PCDHA6: variants seen among roughly 807,000 people sequenced by gnomAD.
PCDHA6 encodes protocadherin alpha 6.
In PCDHA6, 55 loss-of-function variants were observed where a neutral mutation model predicts 60.3. That is an observed-to-expected ratio of 0.91 (90% confidence interval 0.73 to 1.14). PCDHA6 has a LOEUF of 1.14. Among genes scored for constraint, PCDHA6 ranks in the 50% most tolerant of loss-of-function variants. The probability of loss-of-function intolerance (pLI) is 0.00; values close to 1 mark genes in which losing one functional copy is unlikely to be tolerated. For synonymous variants in PCDHA6, 652 were observed against 557.9 expected, an observed-to-expected ratio of 1.17 and a Z score of -2.38; for missense variants, 1,327 against 1,256.5, an observed-to-expected ratio of 1.06 and a Z score of -0.85.
chr5:140,929,497 C>A, intron 1 of PCDHA6: 1 of 977,560 alleles, frequency 1.0e-6, no homozygotes, highest in Non-Finnish European at 1.4e-6. Context: ...TAGAAGATTG[C>A]CCTAGGCCTC....
intron 3 of PCDHA6, among the ~76,000 whole-genome samples, chr5:141,001,745 T>A (rs2098035193): frequency 6.6e-6 from 1 of 152,200 alleles, no homozygotes; most frequent in Non-Finnish European, 1.5e-5. Flanking sequence ...CTGGGCTGTT[T>A]CAGTGGTTGA....
intron 1 of PCDHA6, among the ~76,000 whole-genome samples, chr5:140,950,672 C>A (rs76583571): frequency 0.016 from 2,473 of 152,120 alleles, 63 homozygotes; most frequent in African/African-American, 0.055. Context: ...CAAACATGTA[C>A]ATGTATATTG....
chr5:140,915,957 T>G (rs1476969057), intron 1 of PCDHA6, among the ~76,000 whole-genome samples: 4 of 151,934 alleles, frequency 2.6e-5, no homozygotes, highest in African/African-American at 4.8e-5. Flanking sequence ...TACTTAGAAA[T>G]TTGCCTGATA....
At chr5:140,900,290 G>GT (rs1292990700) in intron 1 of PCDHA6, among the ~76,000 whole-genome samples, 2 of 151,548 alleles carry the variant, frequency 1.3e-5, no homozygotes, top group Non-Finnish European at 2.9e-5. Context: ...TTTCTTTTCT[G>GT]TTTTTTTAGA....
intron 1 of PCDHA6, among the ~76,000 whole-genome samples, chr5:140,954,333 G>C (rs1554221356): frequency 1.3e-5 from 2 of 152,140 alleles, no homozygotes; most frequent in African/African-American, 4.8e-5. Flanking sequence ...TGGTATTTCT[G>C]CCTCTAGATC....
At chr5:140,985,682 C>T (rs1261119986) in intron 3 of PCDHA6, among the ~76,000 whole-genome samples, 3 of 151,710 alleles carry the variant, frequency 2.0e-5, no homozygotes, top group African/African-American at 4.8e-5. Flanking sequence ...GCCTGCCTTA[C>T]GCTAATCCTC....
At chr5:140,962,223 A>G (rs951247075) in intron 1 of PCDHA6, among the ~76,000 whole-genome samples, 8 of 152,160 alleles carry the variant, frequency 5.3e-5, no homozygotes, top group Admixed American at 3.9e-4. Flanking sequence ...CTTGAGGTTC[A>G]AGTTTCACTT....
intron 1 of PCDHA6, chr5:140,928,268 G>A: frequency 6.2e-7 from 1 of 1,614,164 alleles, no homozygotes; most frequent in Non-Finnish European, 8.5e-7. Context: ...GAAAACAATG[G>A]CCCTGGGGCC....
chr5:140,969,366 A>C (rs1554231734), intron 1 of PCDHA6: 1 of 1,609,828 alleles, frequency 6.2e-7, no homozygotes. Context: ...CTACAAACTC[A>C]TGCATTTGTT....
chr5:140,885,371 C>T (rs2153409645), intron 1 of PCDHA6, among the ~76,000 whole-genome samples: 1 of 152,182 alleles, frequency 6.6e-6, no homozygotes, highest in East Asian at 1.9e-4. Flanking sequence ...CTGAAAGTAC[C>T]TTTTGGCAGT....
chr5:140,998,003 T>C (rs2097793100), intron 3 of PCDHA6, among the ~76,000 whole-genome samples: 1 of 152,134 alleles, frequency 6.6e-6, no homozygotes, highest in Admixed American at 6.6e-5. Context: ...CCTCTGAGCC[T>C]TCCATCCCCA....
At chr5:140,932,794 G>A (rs945877357) in intron 1 of PCDHA6, among the ~76,000 whole-genome samples, 46 of 151,806 alleles carry the variant, frequency 3.0e-4, no homozygotes, top group African/African-American at 4.8e-5. Flanking sequence ...TAAGAGAAAA[G>A]CAATACCTTG....
chr5:140,828,245 C>G lies in PCDHA6; in HGVS notation c.154C>G (p.Leu52Val), dbSNP rs1354249187. The change falls in exon 1 of 4, where the codon CTG (leucine) becomes GTG (valine). Residue 52 changes from leucine to valine, a missense_variant. Coordinates refer to ENST00000529310, the MANE Select transcript of PCDHA6 (RefSeq NM_018909.4). Reference sequence around the variant, plus strand: ...CTTCGTGGGCCGGATCGCGCAGGACCTGGGGCTGGAGCTGGCGGAGCTGGT... The same window carrying G: ...CTTCGTGGGCCGGATCGCGCAGGACGTGGGGCTGGAGCTGGCGGAGCTGGT... ...GTFVGRIAQDLGLELAELVPR... is the reference protein window; with the variant it reads ...GTFVGRIAQDVGLELAELVPR... 59 of 1,613,838 alleles carry G rather than the reference C, an allele frequency of 3.7e-5. No individual in the cohort carries two copies. The highest frequency in any genetic ancestry group is 4.7e-5 in the Non-Finnish European group (55 of 1,180,056).
intron 1 of PCDHA6, chr5:140,848,396 G>A: frequency 7.8e-7 from 1 of 1,284,596 alleles, no homozygotes; most frequent in Non-Finnish European, 1.1e-6. Flanking sequence ...TCTCTGTGCT[G>A]AACGATGGCG....
At chr5:140,880,242 G>A (rs549683370) in intron 1 of PCDHA6, among the ~76,000 whole-genome samples, 22 of 150,572 alleles carry the variant, frequency 1.5e-4, no homozygotes, top group Admixed American at 7.2e-4. Context: ...GTGTATGTGC[G>A]TGTGTGTATG....
At chr5:140,878,545 A>G (rs1554170455) in intron 1 of PCDHA6, among the ~76,000 whole-genome samples, 1 of 152,228 alleles carries the variant, frequency 6.6e-6, no homozygotes, top group African/African-American at 2.4e-5. Context: ...AACCAGTTTC[A>G]GATGATCCCA....
intron 1 of PCDHA6, among the ~76,000 whole-genome samples, chr5:140,831,469 C>T (rs2150194603): frequency 8.2e-6 from 1 of 122,106 alleles, no homozygotes; most frequent in Non-Finnish European, 1.7e-5. Flanking sequence ...AAGTGATTCT[C>T]TCACCTCAGC....
chr5:140,954,383 T>C (rs1333017700), intron 1 of PCDHA6, among the ~76,000 whole-genome samples: 6 of 152,208 alleles, frequency 3.9e-5, no homozygotes, highest in African/African-American at 1.4e-4. Context: ...ATGAGTGAAC[T>C]AATTTACAAC....
chr5:140,855,239 A>T (rs1315147782), intron 1 of PCDHA6, among the ~76,000 whole-genome samples: 1 of 149,864 alleles, frequency 6.7e-6, no homozygotes, highest in Non-Finnish European at 1.5e-5. Flanking sequence ...TTAAGGTACT[A>T]TTGCAAGCAC....
Sources: allele counts gnomAD v4.1 joint callset (sites outside exome capture counted in the v4.1 genomes callset), GRCh38; gene constraint gnomAD v4.1.1; transcripts MANE v1.5; gene names NCBI Gene and HGNC (gene_info 2026-07-23, HGNC 2026-07-21).